The following FMNL2 variants were observed in gnomAD, a reference collection of about 807,000 sequenced individuals.
FMNL2 encodes formin-like protein 2.
FMNL2 carries 51 observed loss-of-function variants against 130.2 expected under a neutral mutation model. The observed-to-expected ratio is 0.39, with a 90% CI of 0.31 to 0.49. The LOEUF is 0.49. Among genes scored for constraint, FMNL2 ranks in the 20% least tolerant of loss-of-function variants. FMNL2 has a pLI of 0.85. For missense variants in FMNL2, 977 were observed against 1,316.2 expected, an observed-to-expected ratio of 0.74 and a Z score of 3.99; for synonymous variants, 465 against 467.1, an observed-to-expected ratio of 1.00 and a Z score of 0.06.
At chr2:152,500,202 T>C (rs1691735633) in intron 1 of FMNL2, among the ~76,000 whole-genome samples, 2 of 152,088 alleles carry the variant, frequency 1.3e-5, no homozygotes, top group South Asian at 4.2e-4. Flanking sequence ...ACAGTAAGAA[T>C]CATTGGATAT....
intron 4 of FMNL2, among the ~76,000 whole-genome samples, chr2:152,550,935 C>G (rs989406828): frequency 6.6e-5 from 10 of 151,916 alleles, no homozygotes; most frequent in Non-Finnish European, 7.4e-5. Flanking sequence ...GTCAGGAGTT[C>G]GACACCAGCC....
intron 1 of FMNL2, among the ~76,000 whole-genome samples, chr2:152,363,127 C>T (rs181743243): frequency 4.7e-4 from 72 of 152,282 alleles, no homozygotes; most frequent in African/African-American, 1.6e-3. Flanking sequence ...GGTTGCATAA[C>T]TCTGTGAATA....
chr2:152,507,825 A>G (rs575670417), intron 1 of FMNL2, among the ~76,000 whole-genome samples: 1 of 152,042 alleles, frequency 6.6e-6, no homozygotes, highest in East Asian at 1.9e-4. Flanking sequence ...CGAGACTCAG[A>G]GAAATTTAGT....
At chr2:152,416,183 T>C (rs1030995923) in intron 1 of FMNL2, among the ~76,000 whole-genome samples, 4 of 152,176 alleles carry the variant, frequency 2.6e-5, no homozygotes, top group South Asian at 2.1e-4. Context: ...ATTGAAACTT[T>C]CTTCGGTAAC....
At chr2:152,530,319 C>A (rs9288108) in intron 2 of FMNL2, among the ~76,000 whole-genome samples, 56,447 of 151,970 alleles carry the variant, frequency 0.37, 10,654 homozygotes, top group East Asian at 0.56. Context: ...TTAACTCATA[C>A]TCTTTGTTTG....
intron 10 of FMNL2, chr2:152,607,681 C>T: frequency 3.7e-6 from 1 of 270,954 alleles, no homozygotes; most frequent in Non-Finnish European, 7.0e-6. Context: ...CAGTTGGAAA[C>T]AGCCATGCCT....
At chr2:152,390,403 G>A (rs1165784751) in intron 1 of FMNL2, 2 of 1,082,154 alleles carry the variant, frequency 1.8e-6, no homozygotes, top group African/African-American at 1.5e-5. Flanking sequence ...GAGTGGTGGA[G>A]CTGCTTGGTG....
At chr2:152,586,737 C>T (rs1165730739) in intron 9 of FMNL2, among the ~76,000 whole-genome samples, 1 of 151,768 alleles carries the variant, frequency 6.6e-6, no homozygotes, top group Non-Finnish European at 1.5e-5. Context: ...GACTGGTCCT[C>T]CTCCTTAGCA....
intron 1 of FMNL2, among the ~76,000 whole-genome samples, chr2:152,504,486 C>T (rs374941643): frequency 6.6e-6 from 1 of 152,166 alleles, no homozygotes; most frequent in South Asian, 2.1e-4. Context: ...ACTTCGTGAT[C>T]CGCCTGCTTC....
intron 9 of FMNL2, among the ~76,000 whole-genome samples, chr2:152,603,019 T>C (rs1698168150): frequency 6.6e-6 from 1 of 152,192 alleles, no homozygotes; most frequent in Non-Finnish European, 1.5e-5. Context: ...TCCCCAAACA[T>C]ATCTTCCTGT....
chr2:152,646,305 C>G (rs1171546776), intron 25 of FMNL2, among the ~76,000 whole-genome samples: 1 of 151,266 alleles, frequency 6.6e-6, no homozygotes, highest in East Asian at 2.0e-4. Context: ...ACTCGAGCCT[C>G]AGTGACAGAG....
intron 25 of FMNL2, chr2:152,643,590 G>C: frequency 6.6e-7 from 1 of 1,523,202 alleles, no homozygotes; most frequent in Non-Finnish European, 8.8e-7. Flanking sequence ...CTGTGTGTCT[G>C]TCAGGGCCCA....
chr2:152,570,406 A>G (rs1696110082), intron 6 of FMNL2, among the ~76,000 whole-genome samples: 1 of 152,186 alleles, frequency 6.6e-6, no homozygotes, highest in Non-Finnish European at 1.5e-5. Context: ...TCCGTACAAA[A>G]TCAGCCCTAG....
At chr2:152,583,327 G>GGACCCCAAACCCTGCTGGTGT (rs1323836642) in intron 9 of FMNL2, among the ~76,000 whole-genome samples, 1 of 152,162 alleles carries the variant, frequency 6.6e-6, no homozygotes, top group African/African-American at 2.4e-5. Context: ...AATGCTGGTG[G>GGACCCCAAACCCTGCTGGTGT]GACCCCAAAC....
chr2:152,579,760 C>T (rs1696678065), intron 8 of FMNL2, among the ~76,000 whole-genome samples: 1 of 152,300 alleles, frequency 6.6e-6, no homozygotes, highest in South Asian at 2.1e-4. Flanking sequence ...CTTTCATATT[C>T]ACCACCTTGT....
At position 152,639,828 on chromosome 2, in the gene FMNL2, G is replaced by A. The variant is rs149579210; in HGVS notation, c.2947-130G>A. The A allele has an allele frequency of 8.6e-5, 64 of 746,902 alleles. 2 individuals carry two copies. In the Middle Eastern group the frequency reaches 2.3e-3, roughly 27 times the overall value. 46.3% of individuals were successfully genotyped at this position (746,902 alleles called of 1,614,324 possible). A position where few individuals can be genotyped will look rare whatever the true frequency, so the allele number is the denominator to read the frequency against. On this transcript the variant is annotated intron_variant, in intron 23 of 25. Coordinates refer to ENST00000288670, the MANE Select transcript of FMNL2 (RefSeq NM_052905.4). ...GCAGAGCTAAATACAGGCATAAAGT[G>A]TAGATCTTCTCAACCTTCCATTTAT...
chr2:152,349,813 C>T (rs1682370129), intron 1 of FMNL2, among the ~76,000 whole-genome samples: 1 of 152,142 alleles, frequency 6.6e-6, no homozygotes, highest in Non-Finnish European at 1.5e-5. Context: ...AGCTCAGTCC[C>T]AACCACTGCT....
intron 11 of FMNL2, among the ~76,000 whole-genome samples, chr2:152,612,370 A>G (rs1047976506): frequency 2.6e-5 from 4 of 152,118 alleles, no homozygotes; most frequent in African/African-American, 7.2e-5. Flanking sequence ...ACACCAAAAA[A>G]TTAGCCAGGT....
In FMNL2 at chr2:152,442,192, C is replaced by A. The variant is rs531329092; in HGVS notation, c.118-79751C>A. Among the ~76,000 whole-genome samples the A allele has an allele frequency of 1.1e-3, 173 of 152,194 alleles. 1 individual carries two copies. Among genetic ancestry groups the A allele is most frequent in the Non-Finnish European group, 1.9e-3 (127 of 67,996 alleles). Reference sequence around the variant, plus strand: ...ACCTACTGGTCCTTCTGAATGTTATCAGTTCCCTTAATGAGCCATGCTTCT... The same window carrying A: ...ACCTACTGGTCCTTCTGAATGTTATAAGTTCCCTTAATGAGCCATGCTTCT... On this transcript the variant is annotated intron_variant, in intron 1 of 25. Transcript: ENST00000288670.
Sources: gnomAD v4.1 joint callset for allele counts (sites outside exome capture counted in the v4.1 genomes callset) on GRCh38, gnomAD v4.1.1 for gene constraint, MANE v1.5 for transcripts, NCBI Gene and HGNC (gene_info 2026-07-23, HGNC 2026-07-21) for gene names.